CORO7: variants seen among roughly 807,000 people sequenced by gnomAD.
CORO7 encodes coronin 7, also known as coronin-7.
In CORO7, 107 loss-of-function variants were observed where a neutral mutation model predicts 126.6. The observed-to-expected ratio is 0.85, with a 90% CI of 0.72 to 0.99. The LOEUF is 0.99. Among genes scored for constraint, CORO7 ranks in the 50% least tolerant of loss-of-function variants. The pLI is 0.00. For synonymous variants in CORO7, 603 were observed against 536.8 expected, an observed-to-expected ratio of 1.12 and a Z score of -1.70; for missense variants, 1,314 against 1,255.8, an observed-to-expected ratio of 1.05 and a Z score of -0.70.
chr16:4,355,445 C>T, intron 26 of CORO7, 73 bp from the exon 27 acceptor site: 3 of 1,499,872 alleles, frequency 2.0e-6, no homozygotes, highest in Non-Finnish European at 2.7e-6. Flanking sequence ...CCAAGAACAA[C>T]CCTGACAAGG....
rs376385745 is a variant in CORO7, at chr16:4,357,175, T to A, written c.2678A>T (p.Lys893Met). 5.0e-6 allele frequency: 8 copies of A among 1,613,780 alleles called. No homozygotes were observed. The African/African-American group carries it at 1.1e-4, about 22-fold the overall frequency. ...YLEEKSDQQKKEELLNAMVAK... is the reference protein window; with the variant it reads ...YLEEKSDQQKMEELLNAMVAK... ...GCTCTCTCCCATGCCTACCTCCTCC[T>A]TCTTTTGCTGGTCAGACTTTTCTTC... The change falls in exon 26 of 28, where the codon AAG (lysine) becomes ATG (methionine). Residue 893 changes from lysine to methionine, a missense_variant. Transcript: ENST00000251166.
chr16:4,395,205 G>GC, intron 7 of CORO7, 84 bp downstream of exon 7: 1 of 1,598,410 alleles, frequency 6.3e-7, no homozygotes, highest in Non-Finnish European at 8.5e-7. Flanking sequence ...CCCCAGGCCT[G>GC]CCCCTACCTC....
chr16:4,405,599 G>T, intron 5 of CORO7, 32 bp from the exon 6 acceptor site: 1 of 1,606,068 alleles, frequency 6.2e-7, no homozygotes, highest in East Asian at 2.2e-5. Context: ...CAGGTCCCGG[G>T]CAGTGAGGGC....
intron 16 of CORO7, chr16:4,361,726 C>T (rs1328262205): frequency 2.5e-6 from 2 of 795,040 alleles, no homozygotes; most frequent in Non-Finnish European, 4.2e-6. Flanking sequence ...GGCCGGGCTT[C>T]GGATCCCAGC....
intron 9 of CORO7, chr16:4,371,738 G>A (rs1173240115): frequency 2.0e-5 from 3 of 152,232 alleles, no homozygotes; most frequent in Non-Finnish European, 4.4e-5. Context: ...CGGTGGGGAA[G>A]GGGCGTGTCT....
chr16:4,376,169 C>T (rs1323043339), intron 9 of CORO7, among the ~76,000 whole-genome samples: 4 of 152,190 alleles, frequency 2.6e-5, no homozygotes, highest in Non-Finnish European at 4.4e-5. Flanking sequence ...TGAGGGCCCA[C>T]GACCCCTGAC....
intron 9 of CORO7, among the ~76,000 whole-genome samples, chr16:4,376,187 C>T (rs1464044324): frequency 6.6e-6 from 1 of 152,230 alleles, no homozygotes; most frequent in African/African-American, 2.4e-5. Flanking sequence ...GACCTCTCTG[C>T]CCTGCCCTTG....
chr16:4,361,774 C>G, intron 16 of CORO7: 1 of 912,986 alleles, frequency 1.1e-6, no homozygotes, highest in Non-Finnish European at 1.7e-6. Flanking sequence ...GGGCAGGTCA[C>G]TAAACCTCTC....
At position 4,358,095 on chromosome 16, in the gene CORO7, G is replaced by A; in HGVS notation, c.2466C>T (p.Phe822=). The change falls in exon 25 of 28, where the codon TTC becomes TTT. Residue 822 remains phenylalanine, a synonymous_variant. Coordinates refer to ENST00000251166, the MANE Select transcript of CORO7 (RefSeq NM_024535.5). ...TGTCTGGGAACACGTCATCCTGGAA[G>A]AACTCTTTCTGCAGAGGGAGAAACG... is the stretch of plus-strand genomic sequence containing the variant. ...AFRLPRVRKE[F]FQDDVFPDTA... The A allele has an allele frequency of 1.2e-6, 2 of 1,612,046 alleles. No individual in the cohort carries two copies. Among genetic ancestry groups the A allele is most frequent in the Non-Finnish European group, 1.7e-6 (2 of 1,178,636 alleles).
chr16:4,414,009 A>C (rs868184344), intron 1 of CORO7, among the ~76,000 whole-genome samples: 2 of 151,480 alleles, frequency 1.3e-5, no homozygotes, highest in South Asian at 4.2e-4. Context: ...CAACATGGTG[A>C]AACCTTATCT....
intron 6 of CORO7, among the ~76,000 whole-genome samples, chr16:4,396,743 T>C (rs1030663781): frequency 2.6e-5 from 4 of 152,082 alleles, no homozygotes; most frequent in Non-Finnish European, 4.4e-5. Flanking sequence ...CAGCCAGGCA[T>C]GGTGGCTCAC....
intron 4 of CORO7, 35 bp from the exon 5 acceptor site, chr16:4,407,719 G>C (rs764053202): frequency 4.6e-6 from 7 of 1,531,214 alleles, no homozygotes; most frequent in African/African-American, 2.8e-5. Flanking sequence ...GCACAGGGCT[G>C]AGGGCCTCAC....
At chr16:4,363,835 A>G (rs556172274) in intron 14 of CORO7, among the ~76,000 whole-genome samples, 1 of 152,022 alleles carries the variant, frequency 6.6e-6, no homozygotes, top group African/African-American at 2.4e-5. Context: ...CCTGACCAAC[A>G]TGGTGAAACC....
At chr16:4,397,376 G>C (rs972766329) in intron 6 of CORO7, 1 of 151,806 alleles carries the variant, frequency 6.6e-6, no homozygotes, top group Non-Finnish European at 1.5e-5. Flanking sequence ...CTGGGAGACG[G>C]AGGTTGCAAT....
At position 4,358,069 on chromosome 16, in the gene CORO7, G is replaced by A. The variant is rs140184459; in HGVS notation, c.2492C>T (p.Thr831Met). 62 of 1,612,778 alleles carry A rather than the reference G, an allele frequency of 3.8e-5. No homozygotes were observed. The highest frequency in any genetic ancestry group is 5.0e-5 in the Non-Finnish European group (59 of 1,179,222). ...GAGCACAGGCTCCCAGATCACAGCC[G>A]TGTCTGGGAACACGTCATCCTGGAA... ...EFFQDDVFPD[T>M]AVIWEPVLSA... The change falls in exon 25 of 28, where the codon ACG becomes ATG. Residue 831 changes from threonine to methionine, a missense_variant. By Grantham distance (81) the Thr-to-Met change is moderately conservative (BLOSUM62 -1). Coordinates refer to ENST00000251166, the MANE Select transcript of CORO7 (RefSeq NM_024535.5).
chr16:4,383,035 G>C, intron 9 of CORO7: 8 of 998,246 alleles, frequency 8.0e-6, no homozygotes, highest in Non-Finnish European at 1.1e-5. Flanking sequence ...ACCACAGCTG[G>C]GCCCTGTTCC....
At chr16:4,382,633 C>T (rs1048056699) in intron 9 of CORO7, 6 of 1,563,982 alleles carry the variant, frequency 3.8e-6, no homozygotes, top group Non-Finnish European at 3.5e-6. Context: ...GGCCGCGGTG[C>T]TCCTGGCCGC....
intron 6 of CORO7, among the ~76,000 whole-genome samples, chr16:4,405,193 C>T (rs887500733): frequency 4.6e-5 from 7 of 152,204 alleles, no homozygotes; most frequent in Admixed American, 1.3e-4. Flanking sequence ...GAAAGGCTGG[C>T]GGTTCAGACA....
At chr16:4,374,569 C>T (rs780592313) in intron 9 of CORO7, among the ~76,000 whole-genome samples, 2 of 152,094 alleles carry the variant, frequency 1.3e-5, no homozygotes, top group East Asian at 1.9e-4. Flanking sequence ...CTGGGGCGGC[C>T]GCTGGGGCCC....
Sources: gnomAD v4.1 joint callset for allele counts (sites outside exome capture counted in the v4.1 genomes callset) on GRCh38, gnomAD v4.1.1 for gene constraint, MANE v1.5 for transcripts, NCBI Gene and HGNC (gene_info 2026-07-23, HGNC 2026-07-21) for gene names.